CEP170: variants seen among roughly 807,000 people sequenced by gnomAD.
The protein encoded by CEP170 is centrosomal protein 170.
A neutral mutation model predicts 151.9 loss-of-function variants in CEP170; 21 were observed. The ratio of observed to expected loss-of-function variants is 0.14; its 90% CI spans 0.10 to 0.20. The LOEUF is 0.20. Ranked by LOEUF, CEP170 falls within the 10% of genes least tolerant of loss-of-function variation. The pLI, the probability that CEP170 is intolerant of heterozygous loss-of-function variation, is 1.00. For synonymous variants in CEP170, 356 were observed against 648.8 expected, an observed-to-expected ratio of 0.55 and a Z score of 6.86; for missense variants, 964 against 1,892.9, an observed-to-expected ratio of 0.51 and a Z score of 9.11.
chr1:243,229,834 G>C (rs537911868), intron 1 of CEP170, among the ~76,000 whole-genome samples: 22 of 152,152 alleles, frequency 1.4e-4, no homozygotes, highest in African/African-American at 4.8e-4. Context: ...TCTCCTTTTT[G>C]AGGCCAGATA....
chr1:243,152,521 A>ATTTTTTTT lies in CEP170; in HGVS notation c.3911+3692_3911+3699dup, dbSNP rs371392454. ...CAGGCGTGAGCCACCGCGCCCAGCCATTTTTTTTTTTTTTTTTTTTTTTTT... is the reference window on the plus strand; with the variant it reads ...CAGGCGTGAGCCACCGCGCCCAGCCATTTTTTTTTTTTTTTTTTTTTTTTTTTTTTTTT... On this transcript the variant is annotated intron_variant, in intron 14 of 19. Transcript: ENST00000366542. Among the ~76,000 whole-genome samples the ATTTTTTTT allele has an allele frequency of 2.9e-4, 16 of 54,954 alleles. 5 individuals carry two copies. Among genetic ancestry groups the ATTTTTTTT allele is most frequent in the African/African-American group, 3.8e-4 (5 of 13,270 alleles). The allele number at this position is 54,954 out of a possible 152,430, so 36.1% of individuals were successfully genotyped here. A position where few individuals can be genotyped will look rare whatever the true frequency, so the allele number is the denominator to read the frequency against.
rs748761097 is a variant in CEP170, at chr1:243,126,155, T to A, written c.*294A>T. On this transcript the variant is annotated 3_prime_UTR_variant, in exon 20 of 20. Coordinates refer to ENST00000366542, the MANE Select transcript of CEP170 (RefSeq NM_014812.3). ...CATGGCTTAAAAAAAAGAAAAAAGATCTATGAAGGGAAAGGGTGTAATCAT... is the reference window on the plus strand; with the variant it reads ...CATGGCTTAAAAAAAAGAAAAAAGAACTATGAAGGGAAAGGGTGTAATCAT... 2.8e-5 allele frequency: 14 copies of A among 493,374 alleles called. No homozygotes were observed. Among genetic ancestry groups the A allele is most frequent in the Non-Finnish European group, 7.9e-6 (2 of 252,176 alleles). The allele number at this position is 493,374 out of a possible 1,614,324, so 30.6% of individuals were successfully genotyped here. A position where few individuals can be genotyped will look rare whatever the true frequency, so the allele number is the denominator to read the frequency against.
intron 4 of CEP170, among the ~76,000 whole-genome samples, chr1:243,203,938 T>C (rs1412675703): frequency 1.3e-5 from 2 of 152,088 alleles, no homozygotes; most frequent in Non-Finnish European, 2.9e-5. Context: ...ATTTTGCCTA[T>C]ACCTTCAAAA....
chr1:243,131,901 G>A (rs532996275), intron 17 of CEP170, among the ~76,000 whole-genome samples: 1 of 152,286 alleles, frequency 6.6e-6, no homozygotes, highest in Non-Finnish European at 1.5e-5. Context: ...AGAAGTCTCA[G>A]GCTCCTATTC....
intron 4 of CEP170, 173 bp downstream of exon 4, chr1:243,211,713 T>G (rs1159264240): frequency 1.4e-6 from 1 of 721,054 alleles, no homozygotes; most frequent in East Asian, 3.2e-5. Context: ...TGATTACTTT[T>G]AGGAACAGGC....
intron 4 of CEP170, among the ~76,000 whole-genome samples, chr1:243,204,190 T>C (rs908138888): frequency 7.2e-5 from 11 of 152,188 alleles, no homozygotes; most frequent in Admixed American, 4.6e-4. Context: ...ATCAACCACA[T>C]AGATAAGGAA....
In CEP170 at chr1:243,185,983, G is replaced by A; in HGVS notation, c.1362C>T (p.Pro454=). The A allele has an allele frequency of 6.2e-7, 1 of 1,613,756 alleles. No individual in the cohort carries two copies. The highest frequency in any genetic ancestry group is 8.5e-7 in the Non-Finnish European group (1 of 1,179,706). The change falls in exon 10 of 20, where the codon CCC becomes CCT. Residue 454 remains proline (P), a synonymous_variant. Transcript: ENST00000366542. This position sits in a 1 kb window ranked among gnomAD's most constrained non-coding sequence, Gnocchi z 4.9. ...TTCTTAATAATGCAGTTTGTAGGAA[G>A]GGTATTGACACCGATGGCTCCTCTG... The part of the protein sequence containing the change: ...QKSEEPSVSI[P]FLQTALLRSS...
intron 13 of CEP170, among the ~76,000 whole-genome samples, chr1:243,159,798 TGTG>T (rs925580070): frequency 6.6e-6 from 1 of 151,604 alleles, no homozygotes; most frequent in African/African-American, 2.4e-5. Context: ...TGTGTGTGTG[TGTG>T]TTTTTGAGAT....
intron 17 of CEP170, among the ~76,000 whole-genome samples, chr1:243,132,033 A>G (rs2054481758): frequency 1.3e-5 from 2 of 152,204 alleles, no homozygotes; most frequent in Admixed American, 6.5e-5. Flanking sequence ...TTCACATGGA[A>G]TGCAATGAGA....
chr1:243,139,247 A>G (rs112068270), intron 16 of CEP170, among the ~76,000 whole-genome samples: 8 of 151,958 alleles, frequency 5.3e-5, no homozygotes, highest in African/African-American at 1.2e-4. Flanking sequence ...GATTACAGGC[A>G]CATGCCACCA....
intron 14 of CEP170, among the ~76,000 whole-genome samples, chr1:243,144,537 A>C (rs2056238195): frequency 6.6e-6 from 1 of 152,226 alleles, no homozygotes; most frequent in African/African-American, 2.4e-5. Flanking sequence ...TAAGAAACAG[A>C]ATAACCAAGC....
intron 17 of CEP170, among the ~76,000 whole-genome samples, chr1:243,133,474 G>A (rs1160353713): frequency 6.6e-6 from 1 of 151,952 alleles, no homozygotes; most frequent in Non-Finnish European, 1.5e-5. Flanking sequence ...TAATTTTAGT[G>A]GAACTAAAAT....
chr1:243,188,317 A>C (rs1199430355), intron 8 of CEP170, among the ~76,000 whole-genome samples: 2 of 152,160 alleles, frequency 1.3e-5, no homozygotes, highest in African/African-American at 4.8e-5. Context: ...CCAATAGATA[A>C]AATTTGGCAC....
rs772474355 is a variant in CEP170, at chr1:243,225,222, C to T, written c.59G>A (p.Arg20Gln). The change falls in exon 2 of 20, where the codon CGA becomes CAA. Residue 20 changes from arginine (R) to glutamine (Q), a missense_variant. By Grantham distance (43) the Arg-to-Gln change is conservative (BLOSUM62 1). Coordinates refer to ENST00000366542, the MANE Select transcript of CEP170 (RefSeq NM_014812.3). The part of the protein sequence containing the change: ...SSGGTRHRLP[R>Q]EMIFVGRDDC... ...ATCTCTTCCAACAAAAATCATTTCT[C>T]GTGGCAGCCTGTGGCGAGTGCCTCC... is the stretch of plus-strand genomic sequence containing the variant. 4.4e-6 allele frequency: 7 copies of T among 1,601,580 alleles called. No individual in the cohort carries two copies. The highest frequency in any genetic ancestry group is 3.5e-5 in the Admixed American group (2 of 57,848).
intron 4 of CEP170, among the ~76,000 whole-genome samples, chr1:243,205,505 C>T (rs1360549504): frequency 6.6e-6 from 1 of 152,150 alleles, no homozygotes; most frequent in African/African-American, 2.4e-5. Flanking sequence ...ACAAAACAGC[C>T]TGAGGACCAG....
chr1:243,217,153 G>A (rs1272441972), intron 3 of CEP170, among the ~76,000 whole-genome samples: 1 of 152,132 alleles, frequency 6.6e-6, no homozygotes, highest in Non-Finnish European at 1.5e-5. Context: ...GAATTCTTCA[G>A]CTCCATTATA....
At chr1:243,154,232 A>G (rs1417511500) in intron 14 of CEP170, among the ~76,000 whole-genome samples, 1 of 152,296 alleles carries the variant, frequency 6.6e-6, no homozygotes, top group East Asian at 1.9e-4. Context: ...TAAATTAAAA[A>G]TCACTATTAT....
chr1:243,238,962 G>A (rs961650756), intron 1 of CEP170, among the ~76,000 whole-genome samples: 1 of 152,126 alleles, frequency 6.6e-6, no homozygotes, highest in Non-Finnish European at 1.5e-5. Flanking sequence ...CTTTGAAAGT[G>A]TCTACTTTTT....
intron 1 of CEP170, among the ~76,000 whole-genome samples, chr1:243,231,076 G>A (rs1237592142): frequency 6.9e-6 from 1 of 143,988 alleles, no homozygotes; most frequent in Non-Finnish European, 1.5e-5. Flanking sequence ...AGAAAGCAGT[G>A]GGATAGCAGT....
Sources: gnomAD v4.1 joint callset for allele counts (sites outside exome capture counted in the v4.1 genomes callset) on GRCh38, gnomAD v4.1.1 for gene constraint, Gnocchi (gnomAD v3.1) non-coding constraint, MANE v1.5 for transcripts, NCBI Gene and HGNC (gene_info 2026-07-23, HGNC 2026-07-21) for gene names.